Variants in ATF7IP2 observed in about 807,000 individuals in gnomAD.
The protein encoded by ATF7IP2 is activating transcription factor 7-interacting protein 2.
ATF7IP2 carries 42 observed loss-of-function variants against 64.2 expected under a neutral mutation model. That is an observed-to-expected ratio of 0.65 (90% CI 0.51 to 0.85). The LOEUF is 0.85. Among genes scored for constraint, ATF7IP2 ranks in the 40% least tolerant of loss-of-function variants. The probability of loss-of-function intolerance (pLI) is 0.00; values close to 1 mark genes in which losing one functional copy is unlikely to be tolerated. For missense variants in ATF7IP2, 933 were observed against 784.2 expected, an observed-to-expected ratio of 1.19 and a Z score of -2.27; for synonymous variants, 308 against 272.8, an observed-to-expected ratio of 1.13 and a Z score of -1.27.
intron 12 of ATF7IP2, among the ~76,000 whole-genome samples, chr16:10,479,612 T>A (rs2050141832): frequency 6.6e-6 from 1 of 151,598 alleles, no homozygotes; most frequent in Non-Finnish European, 1.5e-5. Flanking sequence ...GTAACTAACC[T>A]GCACATTGTG....
intron 6 of ATF7IP2, among the ~76,000 whole-genome samples, chr16:10,435,260 T>C (rs2048381733): frequency 1.3e-5 from 2 of 152,254 alleles, no homozygotes; most frequent in Non-Finnish European, 2.9e-5. Context: ...GATCATTTCT[T>C]AGCCTTTTGA....
intron 1 of ATF7IP2, among the ~76,000 whole-genome samples, chr16:10,397,320 G>A (rs1596427863): frequency 1.3e-5 from 2 of 152,162 alleles, no homozygotes; most frequent in South Asian, 2.1e-4. Context: ...CTCTTCTGTG[G>A]TACCACATAC....
Position 10,482,042 on chromosome 16 carries a change from C to T in ATF7IP2, c.1842C>T (p.Phe614=). 2 of 1,613,896 alleles carry T rather than the reference C, an allele frequency of 1.2e-6. No individual in the cohort carries two copies. The highest frequency in any genetic ancestry group is 1.7e-6 in the Non-Finnish European group (2 of 1,179,830). Residue 614 remains phenylalanine (F), a synonymous_variant, in exon 14 of 14, where the codon TTC becomes TTT. Transcript: ENST00000562102. ...KCAPVESYHL[F]LCHENSNNKL... ...CTCCTGTAGAAAGCTACCACCTCTTCCTGTGTCATGAGAACTCTAATAATA... is the reference window on the plus strand; with the variant it reads ...CTCCTGTAGAAAGCTACCACCTCTTTCTGTGTCATGAGAACTCTAATAATA...
chr16:10,405,400 G>A (rs561984823), intron 1 of ATF7IP2, among the ~76,000 whole-genome samples: 160 of 151,976 alleles, frequency 1.1e-3, no homozygotes, highest in Middle Eastern at 3.4e-3. Context: ...ATTCATTATC[G>A]TGAAGACACC....
chr16:10,474,707 C>T (rs1048395188), intron 12 of ATF7IP2, among the ~76,000 whole-genome samples: 2 of 152,072 alleles, frequency 1.3e-5, no homozygotes, highest in Admixed American at 6.5e-5. Context: ...CCAGGATAAA[C>T]ACAAAAGAAT....
Position 10,421,983 on chromosome 16 carries a change from A to G in ATF7IP2, c.-160+2360A>G, listed in dbSNP as rs187461279. 3.9e-5 allele frequency among the ~76,000 whole-genome samples: 6 copies of G among 152,350 alleles called. No homozygotes were observed. The East Asian group carries it at 1.2e-3, about 29-fold the overall frequency. Reference sequence around the variant, plus strand: ...AAGGCCAATTTTTCAGAATCATAGCAGGAGAAGGCAGTCCTGGCTGCAATG... The same window carrying G: ...AAGGCCAATTTTTCAGAATCATAGCGGGAGAAGGCAGTCCTGGCTGCAATG... On this transcript the variant is annotated intron_variant, in intron 3 of 13. Coordinates refer to ENST00000562102, the MANE Select transcript of ATF7IP2 (RefSeq NM_001393719.1).
intron 3 of ATF7IP2, among the ~76,000 whole-genome samples, chr16:10,427,041 A>G (rs543451719): frequency 1.3e-5 from 2 of 152,250 alleles, no homozygotes; most frequent in South Asian, 2.1e-4. Context: ...TTTAGTACAG[A>G]CAGGGTTTCA....
chr16:10,397,892 A>G (rs1318612767), intron 1 of ATF7IP2, among the ~76,000 whole-genome samples: 1 of 151,838 alleles, frequency 6.6e-6, no homozygotes, highest in Non-Finnish European at 1.5e-5. Context: ...ACCTGAAGAG[A>G]TGTTTTTCAA....
At position 10,473,960 on chromosome 16, in the gene ATF7IP2, C is replaced by T. The variant is rs374413649; in HGVS notation, c.1520C>T (p.Thr507Ile). ...AAACTTGATTCTATAATTGATTTGA[C>T]AAAAGAAGGCCTATCCAACTGCAAT... is the stretch of plus-strand genomic sequence containing the variant. ...QKKLDSIIDL[T>I]KEGLSNCNTE... The change falls in exon 12 of 14, where the codon ACA becomes ATA. Residue 507 changes from threonine to isoleucine, a missense_variant. Physicochemically the swap from Thr to Ile is moderately conservative, Grantham distance 89. Transcript: ENST00000562102. 8.5e-6 allele frequency: 13 copies of T among 1,537,894 alleles called. No homozygotes were observed. The highest frequency in any genetic ancestry group is 9.7e-6 in the Non-Finnish European group (11 of 1,134,328).
intron 1 of ATF7IP2, among the ~76,000 whole-genome samples, chr16:10,402,327 A>G (rs2083952): frequency 6.6e-6 from 1 of 152,032 alleles, no homozygotes; most frequent in Non-Finnish European, 1.5e-5. Context: ...ATTCATTTTT[A>G]CAATGACTCA....
chr16:10,444,147 GT>G (rs1489415108), intron 8 of ATF7IP2, among the ~76,000 whole-genome samples: 1 of 152,228 alleles, frequency 6.6e-6, no homozygotes, highest in Admixed American at 6.5e-5. Context: ...AAATGTAATT[GT>G]TTGAGGAAAC....
At chr16:10,417,245 A>C (rs763050090) in intron 2 of ATF7IP2, among the ~76,000 whole-genome samples, 2 of 152,180 alleles carry the variant, frequency 1.3e-5, no homozygotes, top group African/African-American at 2.4e-5. Context: ...TTAACATGGA[A>C]CCTGAATGGA....
chr16:10,439,366 G>C (rs1290925106), intron 7 of ATF7IP2, among the ~76,000 whole-genome samples: 4 of 151,112 alleles, frequency 2.6e-5, no homozygotes, highest in African/African-American at 9.7e-5. Context: ...AGTCCCAGTA[G>C]CTGGGACTAC....
intron 1 of ATF7IP2, among the ~76,000 whole-genome samples, chr16:10,401,600 G>GT (rs1264947495): frequency 6.6e-6 from 1 of 152,138 alleles, no homozygotes; most frequent in Non-Finnish European, 1.5e-5. Context: ...TGATATCAAA[G>GT]TGATACTATC....
chr16:10,393,172 T>G, intron 1 of ATF7IP2, among the ~76,000 whole-genome samples: 1 of 151,920 alleles, frequency 6.6e-6, no homozygotes, highest in South Asian at 2.1e-4. Context: ...TAGCTGGGCA[T>G]GGTGGTGGGC....
intron 8 of ATF7IP2, among the ~76,000 whole-genome samples, chr16:10,443,849 A>G (rs2048712792): frequency 1.3e-5 from 2 of 152,194 alleles, no homozygotes; most frequent in Admixed American, 6.5e-5. Context: ...GAACTGGGTT[A>G]CATTGCTAGG....
At chr16:10,422,716 A>G (rs1210276572) in intron 3 of ATF7IP2, among the ~76,000 whole-genome samples, 2 of 152,158 alleles carry the variant, frequency 1.3e-5, no homozygotes, top group East Asian at 1.9e-4. Context: ...CAGATAGGAC[A>G]TTTATCAGTA....
chr16:10,437,209 C>T (rs923250656), intron 6 of ATF7IP2, among the ~76,000 whole-genome samples: 4 of 151,980 alleles, frequency 2.6e-5, no homozygotes, highest in African/African-American at 2.4e-5. Context: ...TTAGTAGAGT[C>T]GGGGTTTCAC....
intron 8 of ATF7IP2, chr16:10,446,142 C>A (rs1272973506): frequency 6.6e-6 from 1 of 152,172 alleles, no homozygotes; most frequent in Non-Finnish European, 1.5e-5. Context: ...GCAAGAGCCA[C>A]CTATAAATAA....
Sources: gnomAD v4.1 joint callset for allele counts (sites outside exome capture counted in the v4.1 genomes callset) on GRCh38, gnomAD v4.1.1 for gene constraint, MANE v1.5 for transcripts, NCBI Gene and HGNC (gene_info 2026-07-23, HGNC 2026-07-21) for gene names.